FBXW8: variants seen among roughly 807,000 people sequenced by gnomAD.
The protein encoded by FBXW8 is F-box/WD repeat-containing protein 8.
FBXW8 carries 57 observed loss-of-function variants against 65.3 expected under a neutral mutation model. The observed-to-expected ratio is 0.87, with a 90% confidence interval of 0.71 to 1.09. FBXW8 has a LOEUF of 1.09. FBXW8 is among the 50% of genes least tolerant of loss of function. The pLI, the probability that FBXW8 is intolerant of heterozygous loss-of-function variation, is 0.00. For missense variants in FBXW8, 777 were observed against 814.8 expected (o/e 0.95, Z 0.57); for synonymous variants, 308 against 330.2 (o/e 0.93, Z 0.73).
intron 5 of FBXW8, among the ~76,000 whole-genome samples, chr12:116,972,580 GC>G (rs1232813904): frequency 2.0e-5 from 3 of 152,154 alleles, no homozygotes; most frequent in African/African-American, 7.2e-5. Flanking sequence ...TGAGAGGGAA[GC>G]TGAGCGAGGC....
At chr12:116,948,515 T>C (rs1883074659) in intron 3 of FBXW8, among the ~76,000 whole-genome samples, 1 of 152,210 alleles carries the variant, frequency 6.6e-6, no homozygotes, top group Non-Finnish European at 1.5e-5. Flanking sequence ...ATGTCATCTT[T>C]TTCCTAATAA....
rs1593024098 is a variant in FBXW8, at chr12:116,910,955, C to T, written c.-83C>T. 5.6e-6 allele frequency: 7 copies of T among 1,258,642 alleles called. No homozygotes were observed. Among genetic ancestry groups the T allele is most frequent in the Non-Finnish European group, 7.0e-6 (7 of 993,608 alleles). The allele number at this position is 1,258,642 out of a possible 1,614,324, so 78.0% of individuals were successfully genotyped here. A position where few individuals can be genotyped will look rare whatever the true frequency, so the allele number is the denominator to read the frequency against. On this transcript the variant is annotated 5_prime_UTR_variant, in exon 1 of 11. Transcript: ENST00000652555. ...AGCGGCGGCGGCAGCGGCTTCCGGCCGCGGCGGACACTTCCCTGGGCGGGA... is the reference window on the plus strand; with the variant it reads ...AGCGGCGGCGGCAGCGGCTTCCGGCTGCGGCGGACACTTCCCTGGGCGGGA...
intron 7 of FBXW8, among the ~76,000 whole-genome samples, chr12:117,009,715 C>A (rs1483477097): frequency 6.6e-6 from 1 of 152,048 alleles, no homozygotes; most frequent in South Asian, 2.1e-4. Context: ...ATCAGGGGTA[C>A]CTTCTTATTT....
intron 5 of FBXW8, among the ~76,000 whole-genome samples, chr12:116,969,510 C>A (rs904250954): frequency 1.3e-5 from 2 of 152,212 alleles, no homozygotes; most frequent in Non-Finnish European, 2.9e-5. Context: ...TATATTGCTT[C>A]TTTCCAGGAG....
intron 5 of FBXW8, among the ~76,000 whole-genome samples, chr12:116,974,726 CAG>C (rs912290975): frequency 6.6e-6 from 1 of 152,178 alleles, no homozygotes; most frequent in African/African-American, 2.4e-5. Context: ...GCCTGGGTGA[CAG>C]AGTGACACCT....
At chr12:116,911,440 C>A in intron 1 of FBXW8, 85 bp downstream of exon 1, 2 of 941,186 alleles carry the variant, frequency 2.1e-6, no homozygotes, top group Non-Finnish European at 2.7e-6. Flanking sequence ...TGGAGAGTAA[C>A]TGTGTGCCAC....
intron 7 of FBXW8, among the ~76,000 whole-genome samples, chr12:116,993,011 T>C (rs1471642626): frequency 6.6e-6 from 1 of 151,856 alleles, no homozygotes; most frequent in African/African-American, 2.4e-5. Flanking sequence ...CTGTTTTCCA[T>C]AGAGATTGTG....
At chr12:116,998,826 C>A (rs1318088828) in intron 7 of FBXW8, among the ~76,000 whole-genome samples, 1 of 152,216 alleles carries the variant, frequency 6.6e-6, no homozygotes, top group Non-Finnish European at 1.5e-5. Flanking sequence ...AGAGTAGGAG[C>A]AAGAGGGCAC....
In FBXW8 at chr12:117,024,172, G is replaced by A. The variant is rs757259768; in HGVS notation, c.1393G>A (p.Gly465Ser). ...GGTGAGGATCCACGACCTCCGCAGT[G>A]GTAACATCGCCCTGTCGCTCTCCGC... ...GRVRIHDLRSGNIALSLSAHQ... is the reference protein window; with the variant it reads ...GRVRIHDLRSSNIALSLSAHQ... Residue 465 changes from glycine to serine, a missense_variant, in exon 9 of 11, where the codon GGT (glycine) becomes AGT (serine). Physicochemically the swap from Gly to Ser is moderately conservative, Grantham distance 56 (BLOSUM62 0). Coordinates refer to ENST00000652555, the MANE Select transcript of FBXW8 (RefSeq NM_153348.3). The A allele has an allele frequency of 6.2e-7, 1 of 1,614,050 alleles. No homozygotes were observed. Among genetic ancestry groups the A allele is most frequent in the Non-Finnish European group, 8.5e-7 (1 of 1,179,998 alleles).
intron 1 of FBXW8, among the ~76,000 whole-genome samples, chr12:116,912,965 AT>A (rs1175601798): frequency 7.9e-5 from 12 of 152,188 alleles, no homozygotes; most frequent in Non-Finnish European, 1.5e-4. Flanking sequence ...AAACTCAGAG[AT>A]TCTCTGTAAC....
At chr12:117,005,510 A>C (rs1453999981) in intron 7 of FBXW8, among the ~76,000 whole-genome samples, 1 of 152,212 alleles carries the variant, frequency 6.6e-6, no homozygotes, top group Non-Finnish European at 1.5e-5. Flanking sequence ...ATAGTGCTGC[A>C]GAGCCTCCCC....
At chr12:116,994,784 C>T (rs1228072683) in intron 7 of FBXW8, among the ~76,000 whole-genome samples, 2 of 152,136 alleles carry the variant, frequency 1.3e-5, no homozygotes, top group African/African-American at 2.4e-5. Context: ...TGCTGGCTCC[C>T]TACGGATGGA....
chr12:116,991,951 A>C (rs1953251147), intron 7 of FBXW8, among the ~76,000 whole-genome samples: 1 of 152,196 alleles, frequency 6.6e-6, no homozygotes, highest in South Asian at 2.1e-4. Context: ...ATGGAGTAAT[A>C]ATGGCTCAAA....
At chr12:117,025,567 GCTT>G (rs1312280140) in intron 9 of FBXW8, among the ~76,000 whole-genome samples, 2 of 152,204 alleles carry the variant, frequency 1.3e-5, no homozygotes, top group African/African-American at 4.8e-5. Context: ...TGCAGAATGG[GCTT>G]CTTCCTTGGA....
intron 1 of FBXW8, among the ~76,000 whole-genome samples, chr12:116,919,413 A>G (rs1296106152): frequency 6.6e-6 from 1 of 152,204 alleles, no homozygotes; most frequent in Admixed American, 6.5e-5. Flanking sequence ...CTGTCAAATG[A>G]TGATGATGTT....
At chr12:116,972,608 G>C (rs1884701210) in intron 5 of FBXW8, among the ~76,000 whole-genome samples, 1 of 152,122 alleles carries the variant, frequency 6.6e-6, no homozygotes, top group African/African-American at 2.4e-5. Context: ...CTGGGAGCTT[G>C]GCGGCATACA....
At chr12:116,942,794 T>A (rs1882689858) in intron 2 of FBXW8, among the ~76,000 whole-genome samples, 1 of 102,242 alleles carries the variant, frequency 9.8e-6, no homozygotes, top group African/African-American at 3.2e-5. Flanking sequence ...TTTTTTTTTT[T>A]TGAGACGGGG....
intron 7 of FBXW8, among the ~76,000 whole-genome samples, chr12:116,995,988 T>C (rs1341050814): frequency 6.6e-6 from 1 of 152,220 alleles, no homozygotes; most frequent in Non-Finnish European, 1.5e-5. Context: ...TGAATTAAAT[T>C]CTGCTCTCAG....
chr12:117,014,172 T>TTG (rs1953893336), intron 8 of FBXW8, among the ~76,000 whole-genome samples: 1 of 152,224 alleles, frequency 6.6e-6, no homozygotes, highest in Non-Finnish European at 1.5e-5. Flanking sequence ...TGCTCTGACT[T>TTG]CAGGTTTATG....
Sources: gnomAD v4.1 joint callset for allele counts (sites outside exome capture counted in the v4.1 genomes callset) on GRCh38, gnomAD v4.1.1 for gene constraint, MANE v1.5 for transcripts, NCBI Gene and HGNC (gene_info 2026-07-23, HGNC 2026-07-21) for gene names.